Variants in KIF7 observed in about 807,000 individuals in gnomAD.
KIF7 encodes the protein kinesin family member 7.
KIF7 carries 104 observed loss-of-function variants against 135.7 expected under a neutral mutation model. The observed-to-expected ratio is 0.77, with a 90% CI of 0.65 to 0.90. KIF7 has a LOEUF of 0.90. Ranked by LOEUF, KIF7 falls within the 40% of genes least tolerant of loss-of-function variation. The pLI is 0.00. For synonymous variants in KIF7, 883 were observed against 809.4 expected, an observed-to-expected ratio of 1.09 and a Z score of -1.54; for missense variants, 2,005 against 1,839.1, an observed-to-expected ratio of 1.09 and a Z score of -1.65.
chr15:89,648,658 T>C lies in KIF7; in HGVS notation c.1040A>G (p.Gln347Arg). The C allele has an allele frequency of 3.3e-6, 5 of 1,535,732 alleles. No homozygotes were observed. The highest frequency in any genetic ancestry group is 4.4e-6 in the Non-Finnish European group (5 of 1,146,258). Residue 347 changes from glutamine (Q) to arginine (R), a missense_variant, in exon 5 of 19, where the codon CAG becomes CGG. Coordinates refer to ENST00000394412, the MANE Select transcript of KIF7 (RefSeq NM_198525.3). Reference protein sequence around the residue: ...LNTLNYASRAQNIRNRATVNW... With the variant: ...LNTLNYASRARNIRNRATVNW... ...GACCGTGGCGCGGTTGCGGATGTTC[T>C]GGGCGCGGCTGGCGTAGTTGAGGGT...
Position 89,648,330 on chromosome 15 carries a change from G to C in KIF7, c.1368C>G (p.Ser456=). 6.6e-7 allele frequency: 1 copy of C among 1,505,412 alleles called. No individual in the cohort carries two copies. The highest frequency in any genetic ancestry group is 2.6e-5 in the East Asian group (1 of 38,412). The allele number at this position is 1,505,412 out of a possible 1,614,324, so 93.3% of individuals were successfully genotyped here. ...AVEGERSALS[S]ASGPDSGIES... The stretch of plus-strand genomic sequence containing the variant: ...CGATGCCGCTATCGGGCCCGGAGGC[G>C]GAGCTCAGGGCGCTGCGCTCGCCCT... Residue 456 remains serine (S), a synonymous_variant, in exon 5 of 19, where the codon TCC becomes TCG. Transcript: ENST00000394412.
At chr15:89,642,131 C>G (rs1963932551) in intron 11 of KIF7, 72 bp downstream of exon 11, 1 of 1,508,776 alleles carries the variant, frequency 6.6e-7, no homozygotes, top group East Asian at 2.3e-5. Context: ...GCCCACATGT[C>G]CTGGTCCCAA....
rs548973054 is a variant in KIF7, at chr15:89,633,273, G to A, written c.2593-7C>T. The A allele has an allele frequency of 3.8e-6, 6 of 1,558,532 alleles. No individual in the cohort carries two copies. The East Asian group carries it at 1.4e-4, about 37-fold the overall frequency. ...CATGCTTCAGCTCCAGCTCCTGGGT[G>A]AGGAGCTCAGTGGGCAGGGCTGTTT... On this transcript the variant is annotated splice_polypyrimidine_tract_variant and splice_region_variant and intron_variant, in intron 12 of 18. Coordinates refer to ENST00000394412, the MANE Select transcript of KIF7 (RefSeq NM_198525.3).
rs1964102587 is a variant in KIF7 at position 89,650,171 on chromosome 15, AC to A, written c.329-231del. 4 of 561,658 alleles carry A rather than the reference AC, an allele frequency of 7.1e-6. No individual in the cohort carries two copies. In the Admixed American group the frequency reaches 1.2e-4, roughly 17 times the overall value. The allele number at this position is 561,658 out of a possible 1,614,324, so 34.8% of individuals were successfully genotyped here. A position where few individuals can be genotyped will look rare whatever the true frequency, so the allele number is the denominator to read the frequency against. ...GAAGCAACCTCTCCTGATTCAATCA[AC>A]CCCTTTCATGCTGTAAGCATCCCCT... On this transcript the variant is annotated intron_variant, in intron 2 of 18. Coordinates refer to ENST00000394412, the MANE Select transcript of KIF7 (RefSeq NM_198525.3).
intron 16 of KIF7, 106 bp from the exon 17 acceptor site, chr15:89,629,679 G>C: frequency 6.8e-7 from 1 of 1,462,144 alleles, no homozygotes; most frequent in Non-Finnish European, 9.3e-7. Context: ...ACGGCACTAA[G>C]AAATCACCAG....
downstream of KIF7, among the ~76,000 whole-genome samples, chr15:89,623,416 G>A (rs1963457124): frequency 6.6e-6 from 1 of 152,184 alleles, no homozygotes; most frequent in Admixed American, 6.5e-5. Flanking sequence ...AACTAAACTT[G>A]GATAGTGTTT....
chr15:89,650,039 G>C, intron 2 of KIF7, 98 bp from the exon 3 acceptor site: 1 of 1,260,346 alleles, frequency 7.9e-7, no homozygotes, highest in Non-Finnish European at 1.1e-6. Context: ...GCTGGAGGAT[G>C]GTGCTCTAGG....
At position 89,629,057 on chromosome 15, in the gene KIF7, T is replaced by C. The variant is rs772561330; in HGVS notation, c.3583A>G (p.Lys1195Glu). The change falls in exon 18 of 19, where the codon AAG (lysine) becomes GAG (glutamate). Residue 1195 changes from lysine to glutamate, a missense_variant. Coordinates refer to ENST00000394412, the MANE Select transcript of KIF7 (RefSeq NM_198525.3). ...QYEARIQALE[K>E]ELGRYMWINQ... ...ATCCACATGTAACGGCCCAGTTCCT[T>C]CTCCAGAGCTTGAATCCGGGCCTCA... is the stretch of plus-strand genomic sequence containing the variant. 1.9e-6 allele frequency: 3 copies of C among 1,613,324 alleles called. No homozygotes were observed. The highest frequency in any genetic ancestry group is 2.5e-6 in the Non-Finnish European group (3 of 1,179,876).
In KIF7 at chr15:89,631,831, G is replaced by C. The variant is rs189275464; in HGVS notation, c.2896-121C>G. 5.5e-5 allele frequency: 46 copies of C among 837,746 alleles called. No individual in the cohort carries two copies. In the Admixed American group the frequency reaches 1.2e-3, roughly 22 times the overall value. The allele number at this position is 837,746 out of a possible 1,614,324, so 51.9% of individuals were successfully genotyped here. A position where few individuals can be genotyped will look rare whatever the true frequency, so the allele number is the denominator to read the frequency against. On this transcript the variant is annotated intron_variant, in intron 14 of 18. Coordinates refer to ENST00000394412, the MANE Select transcript of KIF7 (RefSeq NM_198525.3). The stretch of plus-strand genomic sequence containing the variant: ...CCCTCAAGAAACCAACACTCCAAAT[G>C]TTCTGCTCAGCAGGGAGACCAGACT...
In KIF7 at chr15:89,649,289, C is replaced by T. The variant is rs1179864977; in HGVS notation, c.608G>A (p.Arg203Gln). The change falls in exon 4 of 19, where the codon CGG becomes CAG. Residue 203 changes from arginine to glutamine, a missense_variant. Coordinates refer to ENST00000394412, the MANE Select transcript of KIF7 (RefSeq NM_198525.3). The stretch of plus-strand genomic sequence containing the variant: ...GTTGAGGTGCGTGGCTCCCGTGTGC[C>T]GCGCCGCGTTGCCCATCTCCAGGAG... ...LSLLEMGNAA[R>Q]HTGATHLNHL... 2.0e-6 allele frequency: 3 copies of T among 1,501,814 alleles called. No individual in the cohort carries two copies. Among genetic ancestry groups the T allele is most frequent in the Non-Finnish European group, 2.7e-6 (3 of 1,120,610 alleles). The allele number at this position is 1,501,814 out of a possible 1,614,324, so 93.0% of individuals were successfully genotyped here.
At chr15:89,620,130 A>G (rs1963400857) in intron 1 of KIF7, among the ~76,000 whole-genome samples, 1 of 152,168 alleles carries the variant, frequency 6.6e-6, no homozygotes. Flanking sequence ...ACACATCATT[A>G]TCTTAGGTGG....
At position 89,646,037 on chromosome 15, in the gene KIF7, G is replaced by A. The variant is rs771607225; in HGVS notation, c.1789-11C>T. The A allele has an allele frequency of 3.7e-6, 6 of 1,613,404 alleles. No individual in the cohort carries two copies. In the South Asian group the frequency reaches 4.4e-5, roughly 12 times the overall value. ...GCCATTTGTCACCTGCTAGGGGAGT[G>A]AGCCATTTCCCATCCCAAGTCATCA... is the stretch of plus-strand genomic sequence containing the variant. On this transcript the variant is annotated splice_polypyrimidine_tract_variant and intron_variant, in intron 7 of 18. Transcript: ENST00000394412.
At chr15:89,636,170 T>G (rs1271914878) in intron 11 of KIF7, among the ~76,000 whole-genome samples, 1 of 151,924 alleles carries the variant, frequency 6.6e-6, no homozygotes, top group African/African-American at 2.4e-5. Context: ...AAAGAGCTCC[T>G]GAAGGAAGCG....
chr15:89,636,934 G>A lies in KIF7; in HGVS notation c.2395-3051C>T, dbSNP rs1272055167. On this transcript the variant is annotated intron_variant, in intron 11 of 18. Transcript: ENST00000394412. ...AATTGACCACATACTTGGAAGTAAA[G>A]CTCTCCTCAGCAAATGTAAAAGAAC... Among the ~76,000 whole-genome samples, 3 of 136,280 alleles carry A rather than the reference G, an allele frequency of 2.2e-5. No homozygotes were observed. The Admixed American group carries it at 2.2e-4, about 10-fold the overall frequency. 89.4% of individuals were successfully genotyped at this position (136,280 alleles called of 152,430 possible). A position where few individuals can be genotyped will look rare whatever the true frequency, so the allele number is the denominator to read the frequency against.
chr15:89,648,743 T>G lies in KIF7; in HGVS notation c.955A>C (p.Lys319Gln), dbSNP rs1964067629. 6.5e-7 allele frequency: 1 copy of G among 1,535,876 alleles called. No individual in the cohort carries two copies. Among genetic ancestry groups the G allele is most frequent in the Non-Finnish European group, 8.7e-7 (1 of 1,146,284 alleles). ...CTGACGCAGGCGATCATCACCGTCTTGGCGTTCCCGCCCAGCGAGTCTTTG... is the reference window on the plus strand; with the variant it reads ...CTGACGCAGGCGATCATCACCGTCTGGGCGTTCCCGCCCAGCGAGTCTTTG... ...ILKDSLGGNA[K>Q]TVMIACVSPS... is the part of the protein sequence containing the mutation. The change falls in exon 5 of 19, where the codon AAG becomes CAG. Residue 319 changes from lysine to glutamine, a missense_variant. Coordinates refer to ENST00000394412, the MANE Select transcript of KIF7 (RefSeq NM_198525.3).
At position 89,649,388 on chromosome 15, in the gene KIF7, G is replaced by A. The variant is rs984321111; in HGVS notation, c.530-21C>T. ...CAGCACTGCGGGCACAGAAGGCCGT[G>A]AGCCCCAGGGCAGGGGCCGCCAGAC... On this transcript the variant is annotated intron_variant, in intron 3 of 18. Coordinates refer to ENST00000394412, the MANE Select transcript of KIF7 (RefSeq NM_198525.3). 8.3e-6 allele frequency: 12 copies of A among 1,447,530 alleles called. No individual in the cohort carries two copies. The Admixed American group carries it at 2.6e-4, about 31-fold the overall frequency. 89.7% of individuals were successfully genotyped at this position (1,447,530 alleles called of 1,614,324 possible).
intron 11 of KIF7, among the ~76,000 whole-genome samples, chr15:89,638,757 C>G (rs1963861852): frequency 1.3e-5 from 2 of 151,922 alleles, no homozygotes; most frequent in Admixed American, 6.6e-5. Context: ...CCCCATCAAG[C>G]TACCAATGAC....
At chr15:89,634,798 G>A (rs1275264590) in intron 11 of KIF7, among the ~76,000 whole-genome samples, 1 of 152,216 alleles carries the variant, frequency 6.6e-6, no homozygotes, top group Non-Finnish European at 1.5e-5. Flanking sequence ...AAAGCAGCTG[G>A]GAAGCTCGAT....
chr15:89,628,947 T>G (rs1182310799), intron 18 of KIF7, 29 bp downstream of exon 18: 1 of 1,613,714 alleles, frequency 6.2e-7, no homozygotes, highest in East Asian at 2.2e-5. Context: ...AGGGAACAGG[T>G]CTGACTTCAG....
Sources: gnomAD v4.1 joint callset for allele counts (sites outside exome capture counted in the v4.1 genomes callset) on GRCh38, gnomAD v4.1.1 for gene constraint, MANE v1.5 for transcripts, NCBI Gene and HGNC (gene_info 2026-07-23, HGNC 2026-07-21) for gene names.